PRKCE: variants seen among roughly 807,000 people sequenced by gnomAD.
The protein encoded by PRKCE is protein kinase C epsilon type.
Under a neutral mutation model 85.4 loss-of-function variants are expected in PRKCE, and 16 were observed. That is an observed-to-expected ratio of 0.19 (90% CI 0.13 to 0.28). The LOEUF (loss-of-function observed/expected upper bound fraction) is 0.28, where lower values mean the gene tolerates loss of function less well. PRKCE is among the 10% of genes least tolerant of loss of function. PRKCE has a pLI of 1.00. For missense variants in PRKCE, 573 were observed against 975.2 expected (o/e 0.59, Z 5.49); for synonymous variants, 388 against 371.5 (o/e 1.04, Z -0.51).
intron 1 of PRKCE, among the ~76,000 whole-genome samples, chr2:45,750,307 G>GA (rs1558630641): frequency 6.6e-6 from 1 of 152,260 alleles, no homozygotes; most frequent in African/African-American, 2.4e-5. Flanking sequence ...CAGCCCCTGG[G>GA]AAAAATTATT....
At chr2:46,016,909 CAAAAA>C (rs10555423) in intron 10 of PRKCE, among the ~76,000 whole-genome samples, 5 of 118,182 alleles carry the variant, frequency 4.2e-5, no homozygotes, top group Non-Finnish European at 1.8e-5. Context: ...GACTCTGTCT[CAAAAA>C]AAAAAAAAAA....
intron 2 of PRKCE, among the ~76,000 whole-genome samples, chr2:45,868,957 C>CAAAAA (rs58698207): frequency 8.9e-6 from 1 of 112,090 alleles, no homozygotes; most frequent in Non-Finnish European, 1.8e-5. Context: ...CATCCTGTCT[C>CAAAAA]AAAAAAAAAA....
In PRKCE at chr2:46,090,297, A is replaced by G. The variant is rs563445182; in HGVS notation, c.1592+3935A>G. Among the ~76,000 whole-genome samples, 27 of 152,284 alleles carry G rather than the reference A, an allele frequency of 1.8e-4. No homozygotes were observed. The South Asian group carries it at 5.6e-3, about 32-fold the overall frequency. On this transcript the variant is annotated intron_variant, in intron 11 of 14. Coordinates refer to ENST00000306156, the MANE Select transcript of PRKCE (RefSeq NM_005400.3). ...CGTAGCTCAAGAGAATTTCATCCTC[A>G]GGACCTCTTCAAGCACTCCAGCTGT...
At chr2:45,938,453 C>T (rs191973233) in intron 2 of PRKCE, among the ~76,000 whole-genome samples, 1 of 152,280 alleles carries the variant, frequency 6.6e-6, no homozygotes, top group Admixed American at 6.5e-5. Context: ...AACCTACATC[C>T]TCCCTACCCA....
intron 2 of PRKCE, among the ~76,000 whole-genome samples, chr2:45,848,160 G>A (rs965267471): frequency 2.6e-5 from 4 of 152,098 alleles, no homozygotes; most frequent in East Asian, 1.9e-4. Flanking sequence ...ACATATCGAC[G>A]GGTTCTCTCA....
intron 1 of PRKCE, among the ~76,000 whole-genome samples, chr2:45,787,495 T>C (rs1686701329): frequency 6.6e-6 from 1 of 151,974 alleles, no homozygotes; most frequent in South Asian, 2.1e-4. Context: ...GGAAGTTCAG[T>C]TGTAGGCAAT....
chr2:46,136,590 A>G (rs950494611), intron 11 of PRKCE, among the ~76,000 whole-genome samples: 4 of 152,078 alleles, frequency 2.6e-5, no homozygotes, highest in Non-Finnish European at 4.4e-5. Flanking sequence ...CTATGATGAT[A>G]CCCGCTGCCC....
At chr2:46,148,259 G>T (rs1676278687) in intron 12 of PRKCE, among the ~76,000 whole-genome samples, 1 of 152,236 alleles carries the variant, frequency 6.6e-6, no homozygotes, top group Non-Finnish European at 1.5e-5. Flanking sequence ...TTGAGGGGTT[G>T]GCTCCAGGTG....
intron 1 of PRKCE, among the ~76,000 whole-genome samples, chr2:45,742,735 G>A (rs1318560528): frequency 6.6e-6 from 1 of 152,172 alleles, no homozygotes; most frequent in South Asian, 2.1e-4. Flanking sequence ...CAGTATGGAG[G>A]TTCCTTTAAA....
At chr2:45,798,828 A>G (rs996357729) in intron 1 of PRKCE, among the ~76,000 whole-genome samples, 2 of 149,872 alleles carry the variant, frequency 1.3e-5, no homozygotes, top group African/African-American at 2.5e-5. Flanking sequence ...TTTATATTGT[A>G]TTTCTTATTA....
chr2:45,758,883 C>T (rs1026327266), intron 1 of PRKCE, among the ~76,000 whole-genome samples: 3 of 152,168 alleles, frequency 2.0e-5, no homozygotes, highest in African/African-American at 7.2e-5. Flanking sequence ...CTGTAAAGTG[C>T]AGAGGGTGCA....
chr2:46,183,211 G>C (rs1394653942), intron 14 of PRKCE, among the ~76,000 whole-genome samples: 3 of 152,218 alleles, frequency 2.0e-5, no homozygotes, highest in Admixed American at 2.0e-4. Flanking sequence ...TTTGAGGAAG[G>C]CTAGCCTAAA....
chr2:45,809,685 A>G (rs1413399553), intron 1 of PRKCE, among the ~76,000 whole-genome samples: 2 of 151,196 alleles, frequency 1.3e-5, no homozygotes, highest in African/African-American at 2.4e-5. Flanking sequence ...GGAGTTTGAG[A>G]CCAGCCTGGC....
At chr2:45,678,806 A>G (rs1039056125) in intron 1 of PRKCE, among the ~76,000 whole-genome samples, 1 of 152,166 alleles carries the variant, frequency 6.6e-6, no homozygotes, top group Non-Finnish European at 1.5e-5. Context: ...AACTTTGGGA[A>G]TTTGTGAAAC....
chr2:46,072,397 A>G (rs1201076548), intron 10 of PRKCE, among the ~76,000 whole-genome samples: 1 of 152,242 alleles, frequency 6.6e-6, no homozygotes, highest in Admixed American at 6.5e-5. Flanking sequence ...GATTTAGCAG[A>G]GTGGAGATGT....
chr2:45,933,098 G>A (rs977176389), intron 2 of PRKCE, among the ~76,000 whole-genome samples: 3 of 152,052 alleles, frequency 2.0e-5, no homozygotes, highest in African/African-American at 7.2e-5. Context: ...CTTTTTATAT[G>A]TGCATCATCT....
At chr2:45,933,837 A>T (rs1233224642) in intron 2 of PRKCE, among the ~76,000 whole-genome samples, 2 of 152,166 alleles carry the variant, frequency 1.3e-5, no homozygotes, top group East Asian at 3.8e-4. Context: ...TGCTTATAGC[A>T]CAATCATAAG....
chr2:46,091,324 TTCC>T (rs1223802101), intron 11 of PRKCE, among the ~76,000 whole-genome samples: 4 of 152,202 alleles, frequency 2.6e-5, no homozygotes, highest in Admixed American at 1.3e-4. Flanking sequence ...TTCAGGGAAA[TTCC>T]TCCTCCTCAA....
At chr2:45,886,799 T>G (rs1366260015) in intron 2 of PRKCE, among the ~76,000 whole-genome samples, 1 of 152,244 alleles carries the variant, frequency 6.6e-6, no homozygotes, top group East Asian at 1.9e-4. Flanking sequence ...ACTTAGAAAG[T>G]GCCTTTAAAA....
Sources: gnomAD v4.1 joint callset for allele counts (sites outside exome capture counted in the v4.1 genomes callset) on GRCh38, gnomAD v4.1.1 for gene constraint, MANE v1.5 for transcripts, NCBI Gene and HGNC (gene_info 2026-07-23, HGNC 2026-07-21) for gene names.